FBXO34: variants seen among roughly 807,000 people sequenced by gnomAD.
The protein encoded by FBXO34 is F-box protein 34.
Under a neutral mutation model 24.5 loss-of-function variants are expected in FBXO34, and 12 were observed. That is an observed-to-expected ratio of 0.49 (90% CI 0.31 to 0.79). The LOEUF (loss-of-function observed/expected upper bound fraction) is 0.79. FBXO34 is among the 30% of genes least tolerant of loss of function. The pLI is 0.04. For missense variants in FBXO34, 823 were observed against 857.7 expected (o/e 0.96, Z 0.51); for synonymous variants, 320 against 311.9 (o/e 1.03, Z -0.27).
chr14:55,410,050 G>T, the FBXO34 span, among the ~76,000 whole-genome samples: 2 of 152,146 alleles, frequency 1.3e-5, no homozygotes, highest in Non-Finnish European at 2.9e-5. Context: ...AACAGAGTTG[G>T]GTTAAGAGAG....
the FBXO34 span, among the ~76,000 whole-genome samples, chr14:55,407,528 G>C: frequency 1.3e-5 from 2 of 152,222 alleles, no homozygotes; most frequent in African/African-American, 2.4e-5. Context: ...GCCTCCCAAA[G>C]TGCTGGGATT....
At chr14:55,377,563 A>G in the FBXO34 span, among the ~76,000 whole-genome samples, 98 of 152,318 alleles carry the variant, frequency 6.4e-4, no homozygotes, top group East Asian at 0.014. Context: ...GCACTACTCC[A>G]GGAACATGTG....
At chr14:55,360,532 A>G (rs1240570326) in intron 3 of FBXO34, among the ~76,000 whole-genome samples, 1 of 151,662 alleles carries the variant, frequency 6.6e-6, no homozygotes, top group Non-Finnish European at 1.5e-5. Flanking sequence ...TGGGTCTTAA[A>G]CCCCTCAAAG....
At chr14:55,440,742 C>T in the FBXO34 span, 4 of 568,852 alleles carry the variant, frequency 7.0e-6, no homozygotes, top group Admixed American at 3.6e-5. Context: ...CCACTCTGCC[C>T]GCAGCTGGGA....
At chr14:55,314,867 C>G (rs1195145906) in intron 1 of FBXO34, among the ~76,000 whole-genome samples, 4 of 152,126 alleles carry the variant, frequency 2.6e-5, no homozygotes, top group Non-Finnish European at 5.9e-5. Context: ...GTCTTTCTCC[C>G]ACTTCATCCC....
the FBXO34 span, among the ~76,000 whole-genome samples, chr14:55,405,033 T>C: frequency 1.3e-5 from 2 of 152,238 alleles, no homozygotes; most frequent in Non-Finnish European, 1.5e-5. Context: ...TATATTTTCT[T>C]AGCAGATCCA....
At chr14:55,440,279 A>G in the FBXO34 span, 1 of 1,326,306 alleles carries the variant, frequency 7.5e-7, no homozygotes, top group Non-Finnish European at 1.0e-6. Flanking sequence ...ATGACTTGGG[A>G]AACCAAGCCC....
chr14:55,284,511 T>TG (rs1881686458), intron 1 of FBXO34, among the ~76,000 whole-genome samples: 1 of 85,998 alleles, frequency 1.2e-5, no homozygotes, highest in Non-Finnish European at 2.3e-5. Flanking sequence ...AACCTCTGTC[T>TG]CCAAAAAAAA....
chr14:55,337,680 T>C (rs1448520027), intron 1 of FBXO34, among the ~76,000 whole-genome samples: 2 of 152,282 alleles, frequency 1.3e-5, no homozygotes, highest in Non-Finnish European at 2.9e-5. Context: ...AGCCGCAGGC[T>C]AGCACAATAT....
the FBXO34 span, among the ~76,000 whole-genome samples, chr14:55,417,453 TAA>T: frequency 0.25 from 22,712 of 90,586 alleles, 2,670 homozygotes; most frequent in East Asian, 0.31. Context: ...ACCCTTGCCT[TAA>T]AAAAAAAAAA....
At chr14:55,280,660 G>A (rs1042232126) in intron 1 of FBXO34, among the ~76,000 whole-genome samples, 2 of 151,498 alleles carry the variant, frequency 1.3e-5, no homozygotes, top group African/African-American at 4.9e-5. Context: ...CCAAGTAGCT[G>A]GGACTACAGG....
chr14:55,323,209 A>T lies in FBXO34; in HGVS notation c.-10-27172A>T, dbSNP rs1443316986. The stretch of plus-strand genomic sequence containing the variant: ...CAAAAAAAAAAAAAAAAAAAAAAAA[A>T]AAAAAAAAAATATATATTTTTTTTT... On this transcript the variant is annotated intron_variant, in intron 1 of 1. Coordinates refer to ENST00000313833, the MANE Select transcript of FBXO34 (RefSeq NM_017943.4). Among the ~76,000 whole-genome samples the T allele has an allele frequency of 6.6e-4, 33 of 50,068 alleles. 3 individuals are homozygous for T. Among genetic ancestry groups the T allele is most frequent in the African/African-American group, 4.9e-3 (21 of 4,314 alleles). 32.8% of individuals were successfully genotyped at this position (50,068 alleles called of 152,430 possible). A position where few individuals can be genotyped will look rare whatever the true frequency, so the allele number is the denominator to read the frequency against.
rs1341746147 is a variant in FBXO34, at chr14:55,350,493, G to T, written c.103G>T (p.Asp35Tyr). 1 of 1,613,830 alleles carries T rather than the reference G, an allele frequency of 6.2e-7. No homozygotes were observed. Among genetic ancestry groups the T allele is most frequent in the African/African-American group, 1.3e-5 (1 of 74,864 alleles). ...TPMNHQKAVN[D>Y]ETCKASHITS... is the part of the protein sequence containing the mutation. ...TATGAACCACCAAAAGGCTGTAAAT[G>T]ATGAAACATGCAAAGCTAGCCACAT... Residue 35 changes from aspartate (D) to tyrosine (Y), a missense_variant, in exon 2 of 2, where the codon GAT (aspartate) becomes TAT (tyrosine). By Grantham distance (160) the Asp-to-Tyr change is radical (BLOSUM62 -3). Around this residue, in one of 2 missense-constraint regions of FBXO34, gnomAD observed 693 missense variants for 659.1 expected, o/e 1.05. Coordinates refer to ENST00000313833, the MANE Select transcript of FBXO34 (RefSeq NM_017943.4).
the FBXO34 span, chr14:55,397,326 T>C: frequency 6.6e-7 from 1 of 1,517,720 alleles, no homozygotes; most frequent in Non-Finnish European, 9.1e-7. Flanking sequence ...AACCAAATGT[T>C]GACTAGATCA....
At chr14:55,396,624 G>C in the FBXO34 span, among the ~76,000 whole-genome samples, 2 of 152,172 alleles carry the variant, frequency 1.3e-5, no homozygotes, top group African/African-American at 4.8e-5. Context: ...TGCCACAAAA[G>C]AGACAACCCT....
At chr14:55,296,866 C>T (rs954403169) in intron 1 of FBXO34, among the ~76,000 whole-genome samples, 43 of 151,580 alleles carry the variant, frequency 2.8e-4, no homozygotes, top group African/African-American at 1.0e-3. Context: ...AGCCATTTGT[C>T]TTCTAAAAAA....
chr14:55,415,113 C>T, the FBXO34 span, among the ~76,000 whole-genome samples: 13 of 152,312 alleles, frequency 8.5e-5, no homozygotes, highest in South Asian at 2.7e-3. Context: ...CCAAACACCA[C>T]CATTACCTCC....
intron 1 of FBXO34, among the ~76,000 whole-genome samples, chr14:55,321,215 C>T (rs1476988452): frequency 6.8e-6 from 1 of 147,552 alleles, no homozygotes; most frequent in East Asian, 2.1e-4. Flanking sequence ...TGATACTTAT[C>T]AGGAATATTT....
At chr14:55,374,921 A>T (rs1884889798), downstream of FBXO34, among the ~76,000 whole-genome samples, 1 of 152,246 alleles carries the variant, frequency 6.6e-6, no homozygotes, top group Admixed American at 6.5e-5. Context: ...TTTTAAATGG[A>T]CCAACCCCAT....
Sources: gnomAD v4.1 joint callset for allele counts (sites outside exome capture counted in the v4.1 genomes callset) on GRCh38, gnomAD v4.1.1 for gene constraint, gnomAD v4.1.1 regional missense constraint, MANE v1.5 for transcripts, NCBI Gene and HGNC (gene_info 2026-07-23, HGNC 2026-07-21) for gene names.